Variants in GLRA3 observed in about 807,000 individuals in gnomAD.
GLRA3 encodes the protein glycine receptor alpha 3.
A neutral mutation model predicts 60.4 loss-of-function variants in GLRA3; 44 were observed. The observed-to-expected ratio is 0.73, with a 90% CI of 0.57 to 0.94. The LOEUF is 0.94. Among genes scored for constraint, GLRA3 ranks in the 40% least tolerant of loss-of-function variants. The pLI is 0.00. For synonymous variants in GLRA3, 223 were observed against 192.9 expected, an observed-to-expected ratio of 1.16 and a Z score of -1.29; for missense variants, 508 against 564.6, an observed-to-expected ratio of 0.90 and a Z score of 1.02.
At position 174,717,113 on chromosome 4, in the gene GLRA3, G is replaced by A. The variant is rs376378408; in HGVS notation, c.492-1543C>T. 4.3e-4 allele frequency among the ~76,000 whole-genome samples: 65 copies of A among 150,974 alleles called. 2 individuals are homozygous for A. The East Asian group carries it at 0.011, about 26-fold the overall frequency. On this transcript the variant is annotated intron_variant, in intron 4 of 9. Coordinates refer to ENST00000274093, the MANE Select transcript of GLRA3 (RefSeq NM_006529.4). ...TGTAATCCTGGCTACTCAGGAAGCT[G>A]AGGTGAGAGTATGGCTTGAGCCCAG...
chr4:174,826,437 A>T (rs1475659914), intron 1 of GLRA3, among the ~76,000 whole-genome samples: 1 of 152,140 alleles, frequency 6.6e-6, no homozygotes, highest in East Asian at 1.9e-4. Flanking sequence ...ATGGTGGAGG[A>T]AGAGGGTGGG....
chr4:174,743,323 A>G (rs903998848), intron 3 of GLRA3, among the ~76,000 whole-genome samples: 4 of 152,156 alleles, frequency 2.6e-5, no homozygotes, highest in African/African-American at 9.7e-5. Context: ...TGTAGGATCT[A>G]ATCTAGGATC....
In GLRA3 at chr4:174,765,068, TG is replaced by T. The variant is rs139154529; in HGVS notation, c.267+1894del. ...AAGTGATTTCAAAAGGAATACATAA[TG>T]ATGGAGTATGTAGGTAAGGAAAGGC... On this transcript the variant is annotated intron_variant, in intron 3 of 9. Coordinates refer to ENST00000274093, the MANE Select transcript of GLRA3 (RefSeq NM_006529.4). Among the ~76,000 whole-genome samples, 1,500 of 152,052 alleles carry T rather than the reference TG, an allele frequency of 9.9e-3. 18 individuals carry two copies. The highest frequency in any genetic ancestry group is 0.033 in the African/African-American group (1,385 of 41,518).
At position 174,638,236 on chromosome 4, in the gene GLRA3, C is replaced by G. The variant is rs1300192520; in HGVS notation, c.*5550G>C. 6.6e-6 allele frequency: 1 copy of G among 152,096 alleles called. No individual in the cohort carries two copies. The allele number at this position is 152,096 out of a possible 1,614,324, so 9.4% of individuals were successfully genotyped here. A position where few individuals can be genotyped will look rare whatever the true frequency, so the allele number is the denominator to read the frequency against. On this transcript the variant is annotated 3_prime_UTR_variant, in exon 10 of 10. Transcript: ENST00000274093. ...GATAATGTAATGGTGAAGATTCTGACATTGGGAGGAAAGCTGAATTGAAAC... is the reference window on the plus strand; with the variant it reads ...GATAATGTAATGGTGAAGATTCTGAGATTGGGAGGAAAGCTGAATTGAAAC...
At chr4:174,678,689 A>T (rs1237974560) in intron 6 of GLRA3, among the ~76,000 whole-genome samples, 1 of 152,206 alleles carries the variant, frequency 6.6e-6, no homozygotes, top group African/African-American at 2.4e-5. Flanking sequence ...TCAGAAACAT[A>T]TGTGCAAACC....
At chr4:174,795,505 T>C (rs755451141) in intron 1 of GLRA3, among the ~76,000 whole-genome samples, 11 of 152,126 alleles carry the variant, frequency 7.2e-5, no homozygotes, top group Non-Finnish European at 1.3e-4. Context: ...TGGTCTGGGA[T>C]GGAGGAGGAA....
chr4:174,663,925 A>G (rs994834733), intron 7 of GLRA3, among the ~76,000 whole-genome samples: 4 of 152,204 alleles, frequency 2.6e-5, no homozygotes, highest in Non-Finnish European at 4.4e-5. Context: ...ATATTCTGGA[A>G]GAATGCCTCC....
chr4:174,790,586 T>C (rs1739294554), intron 1 of GLRA3, among the ~76,000 whole-genome samples: 1 of 151,766 alleles, frequency 6.6e-6, no homozygotes, highest in Non-Finnish European at 1.5e-5. Context: ...AAATCTCTCC[T>C]TTCAATTATC....
chr4:174,745,490 C>G (rs1213261082), intron 3 of GLRA3, among the ~76,000 whole-genome samples: 1 of 152,150 alleles, frequency 6.6e-6, no homozygotes, highest in African/African-American at 2.4e-5. Context: ...TTTAAGTATA[C>G]TTACTATGTA....
At chr4:174,771,016 G>T (rs527373911) in intron 2 of GLRA3, among the ~76,000 whole-genome samples, 19 of 146,520 alleles carry the variant, frequency 1.3e-4, no homozygotes, top group East Asian at 6.2e-4. Flanking sequence ...CTCACTCATA[G>T]GTGGGAACTG....
At chr4:174,763,462 T>C (rs2111228261) in intron 3 of GLRA3, among the ~76,000 whole-genome samples, 1 of 152,328 alleles carries the variant, frequency 6.6e-6, no homozygotes, top group East Asian at 1.9e-4. Flanking sequence ...TTTTCTTTTG[T>C]TCTGTGGACA....
intron 1 of GLRA3, among the ~76,000 whole-genome samples, chr4:174,814,821 G>T (rs887675941): frequency 6.6e-6 from 1 of 152,126 alleles, no homozygotes; most frequent in African/African-American, 2.4e-5. Flanking sequence ...AATTCAAGAT[G>T]TGATTTGGGT....
intron 9 of GLRA3, 53 bp downstream of exon 9, chr4:174,656,690 G>T: frequency 2.0e-6 from 2 of 981,202 alleles, no homozygotes; most frequent in South Asian, 1.3e-5. Flanking sequence ...TATGCTGTCT[G>T]CTTTTTACTG....
rs1740254026 is a variant in GLRA3 at position 174,811,140 on chromosome 4, C to T, written c.71+17601G>A. The stretch of plus-strand genomic sequence containing the variant: ...AGAGAGATGCATGCACTCACACAGA[C>T]ACAGACACACACACAGACAGCATGC... On this transcript the variant is annotated intron_variant, in intron 1 of 9. Transcript: ENST00000274093. Among the ~76,000 whole-genome samples the T allele has an allele frequency of 2.0e-5, 3 of 149,712 alleles. No individual in the cohort carries two copies. In the South Asian group the frequency reaches 6.4e-4, roughly 32 times the overall value.
At chr4:174,712,300 C>T (rs943102080) in intron 5 of GLRA3, among the ~76,000 whole-genome samples, 2 of 152,022 alleles carry the variant, frequency 1.3e-5, no homozygotes, top group African/African-American at 4.8e-5. Context: ...TTAAGATTTG[C>T]TTATCATCTT....
intron 5 of GLRA3, among the ~76,000 whole-genome samples, chr4:174,691,284 T>C (rs1274857540): frequency 6.6e-6 from 1 of 152,214 alleles, no homozygotes; most frequent in African/African-American, 2.4e-5. Flanking sequence ...TGGATTTCTC[T>C]AATGGTCAGT....
chr4:174,788,655 C>T (rs10049967), intron 2 of GLRA3, among the ~76,000 whole-genome samples, 161 bp downstream of exon 2: 33,678 of 138,580 alleles, frequency 0.24, 3,928 homozygotes, highest in Non-Finnish European at 0.27. Flanking sequence ...TAATTGAGAA[C>T]ATGGGAATGG....
intron 3 of GLRA3, among the ~76,000 whole-genome samples, chr4:174,763,671 C>T (rs1316788727): frequency 6.6e-6 from 1 of 152,186 alleles, no homozygotes; most frequent in African/African-American, 2.4e-5. Context: ...ATAAAAGCCA[C>T]TTAATGTGGA....
intron 2 of GLRA3, among the ~76,000 whole-genome samples, chr4:174,769,237 C>T (rs1033336654): frequency 6.6e-6 from 1 of 151,938 alleles, no homozygotes; most frequent in African/African-American, 2.4e-5. Context: ...ATACATCATC[C>T]CTATCTCTAC....
Sources: gnomAD v4.1 joint callset for allele counts (sites outside exome capture counted in the v4.1 genomes callset) on GRCh38, gnomAD v4.1.1 for gene constraint, MANE v1.5 for transcripts, NCBI Gene and HGNC (gene_info 2026-07-23, HGNC 2026-07-21) for gene names.